The following LSAMP variants were observed in gnomAD, a reference collection of about 807,000 sequenced individuals.
LSAMP encodes the protein limbic system associated membrane protein, also known as limbic system-associated membrane protein.
A neutral mutation model predicts 38.6 loss-of-function variants in LSAMP; 7 were observed. That is an observed-to-expected ratio of 0.18 (90% CI 0.10 to 0.34). LSAMP has a LOEUF of 0.34. Ranked by LOEUF, LSAMP falls within the 10% of genes least tolerant of loss-of-function variation. The probability of loss-of-function intolerance (pLI) is 1.00; values close to 1 mark genes in which losing one functional copy is unlikely to be tolerated. For missense variants in LSAMP, 313 were observed against 420.0 expected (o/e 0.75, Z 2.23); for synonymous variants, 154 against 166.8 (o/e 0.92, Z 0.59).
intron 3 of LSAMP, among the ~76,000 whole-genome samples, chr3:115,923,255 C>T (rs543321112): frequency 2.2e-4 from 33 of 152,332 alleles, no homozygotes; most frequent in African/African-American, 6.0e-4. Flanking sequence ...TCACATTCCA[C>T]TTTTCCTTTT....
chr3:116,164,042 G>GT (rs1328726607), intron 1 of LSAMP, among the ~76,000 whole-genome samples: 2 of 152,014 alleles, frequency 1.3e-5, no homozygotes. Context: ...ACTGACTTTC[G>GT]TTTTGTATTT....
chr3:115,903,644 T>A (rs1004035100), intron 3 of LSAMP, among the ~76,000 whole-genome samples: 2 of 152,296 alleles, frequency 1.3e-5, no homozygotes, highest in East Asian at 1.9e-4. Flanking sequence ...TTTTCCTGTA[T>A]AAATTTTACC....
chr3:116,291,949 T>C (rs1201571191), intron 1 of LSAMP, among the ~76,000 whole-genome samples: 3 of 152,206 alleles, frequency 2.0e-5, no homozygotes, highest in Non-Finnish European at 2.9e-5. Flanking sequence ...TTGGTCTTTA[T>C]CTCTTTTCTT....
intron 1 of LSAMP, among the ~76,000 whole-genome samples, chr3:116,127,351 T>G (rs1386324651): frequency 1.3e-5 from 2 of 152,214 alleles, no homozygotes; most frequent in Non-Finnish European, 2.9e-5. Flanking sequence ...ATGGATATAC[T>G]CTTCCCATCT....
intron 1 of LSAMP, among the ~76,000 whole-genome samples, chr3:116,282,517 G>C (rs907287626): frequency 5.3e-5 from 8 of 151,954 alleles, no homozygotes; most frequent in Non-Finnish European, 8.8e-5. Flanking sequence ...TTCTTAAATG[G>C]CTTCAGTGTA....
chr3:115,869,877 A>C (rs560869366), intron 3 of LSAMP, among the ~76,000 whole-genome samples: 6 of 152,086 alleles, frequency 3.9e-5, no homozygotes, highest in African/African-American at 1.4e-4. Flanking sequence ...ACATAAAATT[A>C]TTTCCTGAGA....
intron 2 of LSAMP, among the ~76,000 whole-genome samples, chr3:116,033,456 C>T (rs1035634673): frequency 6.6e-6 from 1 of 152,118 alleles, no homozygotes; most frequent in Non-Finnish European, 1.5e-5. Context: ...TGCACCCTGC[C>T]GTGATGTTTT....
intron 3 of LSAMP, among the ~76,000 whole-genome samples, chr3:115,974,268 CG>C (rs1403465314): frequency 2.0e-5 from 3 of 151,980 alleles, no homozygotes; most frequent in African/African-American, 7.2e-5. Flanking sequence ...TGCTTGAACC[CG>C]GGAAGAGGGA....
At chr3:116,282,339 A>G (rs1238052659) in intron 1 of LSAMP, among the ~76,000 whole-genome samples, 1 of 152,122 alleles carries the variant, frequency 6.6e-6, no homozygotes, top group Non-Finnish European at 1.5e-5. Context: ...AACAGCTTAT[A>G]GTTTTAGGAT....
At chr3:116,135,328 A>G (rs1709224620) in intron 1 of LSAMP, among the ~76,000 whole-genome samples, 1 of 152,194 alleles carries the variant, frequency 6.6e-6, no homozygotes, top group African/African-American at 2.4e-5. Flanking sequence ...AGTGCTTACT[A>G]TGTACAAGGC....
chr3:116,286,163 G>A (rs185639832), intron 1 of LSAMP, among the ~76,000 whole-genome samples: 1 of 152,308 alleles, frequency 6.6e-6, no homozygotes, highest in Admixed American at 6.5e-5. Context: ...GAACAGGGAA[G>A]CTTTGCAATG....
chr3:116,226,704 G>A (rs1458508234), intron 1 of LSAMP, among the ~76,000 whole-genome samples: 2 of 152,228 alleles, frequency 1.3e-5, no homozygotes, highest in African/African-American at 4.8e-5. Context: ...TAATGGACAT[G>A]TCACAGATAG....
chr3:116,218,382 T>C (rs1232806000), intron 1 of LSAMP, among the ~76,000 whole-genome samples: 1 of 152,200 alleles, frequency 6.6e-6, no homozygotes. Flanking sequence ...ACAGCAACAC[T>C]GGGTTTTTTT....
chr3:116,278,969 G>A (rs1559810734), intron 1 of LSAMP, among the ~76,000 whole-genome samples: 1 of 152,186 alleles, frequency 6.6e-6, no homozygotes, highest in East Asian at 1.9e-4. Flanking sequence ...GAATACATAT[G>A]TAGCTTCATT....
chr3:116,282,440 C>CT (rs1240768020), intron 1 of LSAMP, among the ~76,000 whole-genome samples: 2 of 152,090 alleles, frequency 1.3e-5, no homozygotes, highest in Non-Finnish European at 2.9e-5. Flanking sequence ...TTGTAACATT[C>CT]TTTTTTTCTT....
intron 6 of LSAMP, among the ~76,000 whole-genome samples, chr3:115,825,875 A>G (rs1455474714): frequency 1.3e-5 from 2 of 152,212 alleles, no homozygotes; most frequent in Admixed American, 1.3e-4. Flanking sequence ...TGTAAATTAT[A>G]GAAATTCCTC....
intron 3 of LSAMP, among the ~76,000 whole-genome samples, chr3:115,932,696 C>G (rs1292354153): frequency 1.3e-5 from 2 of 152,138 alleles, no homozygotes; most frequent in Admixed American, 1.3e-4. Context: ...TTGACTATCT[C>G]TAGTTATTCT....
intron 3 of LSAMP, among the ~76,000 whole-genome samples, chr3:116,001,898 T>C (rs1429168997): frequency 1.3e-5 from 2 of 152,214 alleles, no homozygotes; most frequent in Admixed American, 6.5e-5. Context: ...CCTTTTGCCA[T>C]GTAAGGTAGC....
intron 3 of LSAMP, among the ~76,000 whole-genome samples, chr3:115,861,126 TTTCTTTCCTTCCTTCCTTCCTTCC>T (rs1407217046): frequency 0.012 from 983 of 84,662 alleles, 18 homozygotes; most frequent in African/African-American, 0.02. Flanking sequence ...TCCTTCCTTC[TTTCTTTCCTTCCTTCCTTCCTTCC>T]TTCCTTCCTT....
Sources: gnomAD v4.1 joint callset for allele counts (sites outside exome capture counted in the v4.1 genomes callset) on GRCh38, gnomAD v4.1.1 for gene constraint, MANE v1.5 for transcripts, NCBI Gene and HGNC (gene_info 2026-07-23, HGNC 2026-07-21) for gene names.